The following TUSC3 variants were observed in gnomAD, a reference collection of about 807,000 sequenced individuals.
TUSC3 encodes the protein dolichyl-diphosphooligosaccharide--protein glycosyltransferase subunit TUSC3.
Under a neutral mutation model 44.8 loss-of-function variants are expected in TUSC3, and 45 were observed. That is an observed-to-expected ratio of 1.00 (90% confidence interval 0.79 to 1.29). The LOEUF (loss-of-function observed/expected upper bound fraction) is 1.29, where lower values mean the gene tolerates loss of function less well. TUSC3 is among the 50% of genes most tolerant of loss of function. The pLI is 0.00. For missense variants in TUSC3, 519 were observed against 437.9 expected, an observed-to-expected ratio of 1.19 and a Z score of -1.65; for synonymous variants, 212 against 152.9, an observed-to-expected ratio of 1.39 and a Z score of -2.85.
rs1812288032 is a variant in TUSC3 at position 15,764,995 on chromosome 8, A to C, written c.*839A>C. On this transcript the variant is annotated 3_prime_UTR_variant, in exon 11 of 11. Transcript: ENST00000503731. The stretch of plus-strand genomic sequence containing the variant: ...ATGTGTTTTATGCAACCAGCTTTCC[A>C]TCAAATCCTCAATCTTTGAATCCAG... 2 of 152,174 alleles carry C rather than the reference A, an allele frequency of 1.3e-5. No individual in the cohort carries two copies. 9.4% of individuals were successfully genotyped at this position (152,174 alleles called of 1,614,324 possible).
chr8:15,723,729 G>A (rs1394400358), intron 6 of TUSC3, among the ~76,000 whole-genome samples: 1 of 152,088 alleles, frequency 6.6e-6, no homozygotes, highest in Non-Finnish European at 1.5e-5. Flanking sequence ...CTTATTTTGT[G>A]CAATGACAGT....
At chr8:15,489,526 C>G (rs184999536) in intron 2 of TUSC3, among the ~76,000 whole-genome samples, 5 of 152,282 alleles carry the variant, frequency 3.3e-5, no homozygotes, top group African/African-American at 9.6e-5. Context: ...TGAATTTCCT[C>G]TACAAGAGAA....
At chr8:15,732,556 G>C (rs1174178845) in intron 7 of TUSC3, among the ~76,000 whole-genome samples, 3 of 124,088 alleles carry the variant, frequency 2.4e-5, no homozygotes, top group Admixed American at 8.9e-5. Context: ...CAAAGGTGTA[G>C]ATGACCAGGA....
Position 15,765,011 on chromosome 8 carries a change from T to A in TUSC3, c.*855T>A, listed in dbSNP as rs1053277421. ...CAGCTTTCCATCAAATCCTCAATCTTTGAATCCAGGTAAAAGGTTAATTAT... is the reference window on the plus strand; with the variant it reads ...CAGCTTTCCATCAAATCCTCAATCTATGAATCCAGGTAAAAGGTTAATTAT... On this transcript the variant is annotated 3_prime_UTR_variant, in exon 11 of 11. Coordinates refer to ENST00000503731, the MANE Select transcript of TUSC3 (RefSeq NM_006765.4). 1 of 152,006 alleles carries A rather than the reference T, an allele frequency of 6.6e-6. No homozygotes were observed. The highest frequency in any genetic ancestry group is 1.5e-5 in the Non-Finnish European group (1 of 67,926). 9.4% of individuals were successfully genotyped at this position (152,006 alleles called of 1,614,324 possible). A position where few individuals can be genotyped will look rare whatever the true frequency, so the allele number is the denominator to read the frequency against.
chr8:15,748,619 A>G (rs755741376), intron 9 of TUSC3, 154 bp downstream of exon 9: 3 of 764,516 alleles, frequency 3.9e-6, no homozygotes, highest in Non-Finnish European at 7.1e-6. Flanking sequence ...TGTGTTCAGC[A>G]TAGTGAAGTA....
chr8:15,621,344 C>A lies in TUSC3; in HGVS notation c.139-1736C>A, dbSNP rs571661913. 6.6e-5 allele frequency among the ~76,000 whole-genome samples: 10 copies of A among 151,126 alleles called. No individual in the cohort carries two copies. The East Asian group carries it at 1.9e-3, about 29-fold the overall frequency. On this transcript the variant is annotated intron_variant, in intron 1 of 10. Transcript: ENST00000503731. The stretch of plus-strand genomic sequence containing the variant: ...AAATGGTGCTTAACATGGAAAATAA[C>A]CTCACTTCGCTTCTCAAAATTGAAA...
chr8:15,742,801 C>T lies in TUSC3; in HGVS notation c.863-737C>T, dbSNP rs184436460. Among the ~76,000 whole-genome samples, 17 of 152,196 alleles carry T rather than the reference C, an allele frequency of 1.1e-4. No homozygotes were observed. In the East Asian group the frequency reaches 2.7e-3, roughly 24 times the overall value. ...TGATGAGTTCTAAAATCTTAAGAGT[C>T]GACAATGTGAAAAATGTTGTAATGA... On this transcript the variant is annotated intron_variant, in intron 7 of 10. Coordinates refer to ENST00000503731, the MANE Select transcript of TUSC3 (RefSeq NM_006765.4).
intron 6 of TUSC3, among the ~76,000 whole-genome samples, chr8:15,690,718 G>A (rs1808861250): frequency 6.6e-6 from 1 of 152,090 alleles, no homozygotes; most frequent in African/African-American, 2.4e-5. Context: ...ATCTGCATAT[G>A]GCTAGCAAGT....
At chr8:15,510,540 G>A (rs1483167021) in intron 2 of TUSC3, among the ~76,000 whole-genome samples, 2 of 152,126 alleles carry the variant, frequency 1.3e-5, no homozygotes, top group Non-Finnish European at 2.9e-5. Context: ...CACCCAGGAA[G>A]AATCAGACAA....
chr8:15,751,379 C>A (rs188511013), intron 9 of TUSC3, among the ~76,000 whole-genome samples: 3 of 152,164 alleles, frequency 2.0e-5, no homozygotes, highest in Non-Finnish European at 4.4e-5. Context: ...TGCTCCAATC[C>A]TTCCACTATT....
chr8:15,631,005 C>T (rs760080568), intron 2 of TUSC3, among the ~76,000 whole-genome samples: 7 of 152,170 alleles, frequency 4.6e-5, no homozygotes, highest in Non-Finnish European at 7.3e-5. Flanking sequence ...ATCATTTCCT[C>T]TTACCTTTGA....
At chr8:15,550,350 G>T (rs1392201770) in intron 1 of TUSC3, among the ~76,000 whole-genome samples, 1 of 151,856 alleles carries the variant, frequency 6.6e-6, no homozygotes, top group African/African-American at 2.4e-5. Context: ...TGAGTTGCAT[G>T]CTTAGATGTT....
chr8:15,601,064 T>C (rs1007601339), intron 1 of TUSC3, among the ~76,000 whole-genome samples: 7 of 151,692 alleles, frequency 4.6e-5, no homozygotes, highest in Non-Finnish European at 8.9e-5. Flanking sequence ...TAGAGAACTG[T>C]AAAATATGAA....
At chr8:15,582,863 C>G (rs1014263080) in intron 1 of TUSC3, among the ~76,000 whole-genome samples, 3 of 152,190 alleles carry the variant, frequency 2.0e-5, no homozygotes, top group Non-Finnish European at 4.4e-5. Flanking sequence ...ATATGTAACA[C>G]TTCTCCTTTT....
At chr8:15,814,794 G>A in the TUSC3 span, among the ~76,000 whole-genome samples, 2 of 152,044 alleles carry the variant, frequency 1.3e-5, no homozygotes, top group Non-Finnish European at 2.9e-5. Flanking sequence ...ATAACCTACT[G>A]CACAAAAATA....
chr8:15,431,767 T>A lies in TUSC3; in HGVS notation n.91+14462T>A, dbSNP rs1389114883. Among the ~76,000 whole-genome samples the A allele has an allele frequency of 2.0e-5, 3 of 151,740 alleles. 1 individual carries two copies. Among genetic ancestry groups the A allele is most frequent in the Non-Finnish European group, 4.4e-5 (3 of 67,896 alleles). On this transcript the variant is annotated intron_variant and non_coding_transcript_variant, in intron 1 of 5. Transcript: ENST00000503191. ...TAATATTACAGGAAATGATTTCAGT[T>A]TTTTACCATTGACTATTATGTTAGC... is the stretch of plus-strand genomic sequence containing the variant.
chr8:15,591,343 T>TAGAA (rs3070898), intron 1 of TUSC3, among the ~76,000 whole-genome samples: 68,694 of 151,544 alleles, frequency 0.45, 15,529 homozygotes, highest in East Asian at 0.57. Flanking sequence ...TATCCTCACT[T>TAGAA]AGGCTTTCTC....
At chr8:15,823,695 C>A in the TUSC3 span, among the ~76,000 whole-genome samples, 25 of 152,194 alleles carry the variant, frequency 1.6e-4, no homozygotes, top group African/African-American at 5.5e-4. Flanking sequence ...GATATAAACA[C>A]CCCTGTTATT....
chr8:15,527,610 G>C (rs1185302207), intron 2 of TUSC3, among the ~76,000 whole-genome samples: 2 of 152,008 alleles, frequency 1.3e-5, no homozygotes, highest in East Asian at 3.9e-4. Context: ...TTACTGTGTT[G>C]ACCAGGCTGT....
Sources: gnomAD v4.1 joint callset for allele counts (sites outside exome capture counted in the v4.1 genomes callset) on GRCh38, gnomAD v4.1.1 for gene constraint, MANE v1.5 for transcripts, NCBI Gene and HGNC (gene_info 2026-07-23, HGNC 2026-07-21) for gene names.